Variants in ACACA observed in about 807,000 individuals in gnomAD.
ACACA encodes the protein acetyl-CoA carboxylase 1.
A neutral mutation model predicts 296.1 loss-of-function variants in ACACA; 103 were observed. That is an observed-to-expected ratio of 0.35 (90% CI 0.30 to 0.41). The LOEUF (loss-of-function observed/expected upper bound fraction) is 0.41, where lower values mean the gene tolerates loss of function less well. Among genes scored for constraint, ACACA ranks in the 10% least tolerant of loss-of-function variants. The probability of loss-of-function intolerance (pLI) is 1.00; values close to 1 mark genes in which losing one functional copy is unlikely to be tolerated. For missense variants in ACACA, 1,554 were observed against 2,989.7 expected, an observed-to-expected ratio of 0.52 and a Z score of 11.20; for synonymous variants, 953 against 1,038.6, an observed-to-expected ratio of 0.92 and a Z score of 1.58.
chr17:37,107,421 G>T (rs1030814543), intron 52 of ACACA, among the ~76,000 whole-genome samples: 2 of 152,234 alleles, frequency 1.3e-5, no homozygotes. Context: ...GGCTGCTAGA[G>T]AAGGCTTGGG....
At chr17:37,353,638 A>T (rs1011791896) in intron 1 of ACACA, among the ~76,000 whole-genome samples, 2 of 6,384 alleles carry the variant, frequency 3.1e-4, no homozygotes, top group South Asian at 5.2e-3. Flanking sequence ...GACTCCGTCT[A>T]AAAAAAAAAA....
At chr17:37,392,816 T>C (rs1470195481) in intron 1 of ACACA, 2 of 151,978 alleles carry the variant, frequency 1.3e-5, no homozygotes, top group Admixed American at 6.6e-5. Context: ...ATATAAAGCA[T>C]GGATAATGAG....
At chr17:37,338,526 T>C (rs2147306686) in intron 2 of ACACA, among the ~76,000 whole-genome samples, 1 of 151,338 alleles carries the variant, frequency 6.6e-6, no homozygotes, top group African/African-American at 2.4e-5. Context: ...GCGTGGCGCA[T>C]GCCTGTAATC....
chr17:37,258,428 T>C, intron 12 of ACACA, 55 bp from the exon 13 acceptor site: 3 of 1,549,728 alleles, frequency 1.9e-6, no homozygotes, highest in Non-Finnish European at 1.8e-6. Flanking sequence ...CCTTAAAGTG[T>C]AGAGGCTATC....
At chr17:37,090,936 C>A (rs1266181) in intron 54 of ACACA, among the ~76,000 whole-genome samples, 19,707 of 150,856 alleles carry the variant, frequency 0.13, 1,718 homozygotes, top group East Asian at 0.37. Flanking sequence ...AAAAAAAAAA[C>A]CCCAAGATTT....
At chr17:37,290,483 G>C (rs576288126) in intron 3 of ACACA, among the ~76,000 whole-genome samples, 1 of 152,100 alleles carries the variant, frequency 6.6e-6, no homozygotes, top group South Asian at 2.1e-4. Flanking sequence ...ATTAATCCTC[G>C]CAATAATGCT....
At chr17:37,142,011 T>G (rs1470527248) in intron 45 of ACACA, among the ~76,000 whole-genome samples, 8,157 of 139,998 alleles carry the variant, frequency 0.058, 504 homozygotes, top group African/African-American at 0.16. Flanking sequence ...TGTTTTTTTT[T>G]GTTTTTTTTT....
At chr17:37,150,644 C>T (rs2075999352) in intron 44 of ACACA, among the ~76,000 whole-genome samples, 1 of 151,470 alleles carries the variant, frequency 6.6e-6, no homozygotes, top group African/African-American at 2.4e-5. Context: ...GTCCTAGCTA[C>T]CTGGAAGCTG....
In ACACA at chr17:37,219,470, G is replaced by A. The variant is rs114215123; in HGVS notation, c.3683+2254C>T. 9.7e-3 allele frequency among the ~76,000 whole-genome samples: 1,472 copies of A among 152,060 alleles called. 22 individuals are homozygous for A. The highest frequency in any genetic ancestry group is 0.034 in the African/African-American group (1,400 of 41,450). ...TAGCCAGTTGGTCAGAAGTGCAAGTGGCCAGGGGACCCCACTTATGGCCCC... is the reference window on the plus strand; with the variant it reads ...TAGCCAGTTGGTCAGAAGTGCAAGTAGCCAGGGGACCCCACTTATGGCCCC... On this transcript the variant is annotated intron_variant, in intron 29 of 55. Transcript: ENST00000616317.
At position 37,321,350 on chromosome 17, in the gene ACACA, C is replaced by T. The variant is rs545150700; in HGVS notation, c.338+8823G>A. Among the ~76,000 whole-genome samples, 9 of 152,252 alleles carry T rather than the reference C, an allele frequency of 5.9e-5. No homozygotes were observed. In the South Asian group the frequency reaches 1.7e-3, roughly 28 times the overall value. On this transcript the variant is annotated intron_variant, in intron 3 of 55. Transcript: ENST00000616317. ...TGAATGAAAATGAAATCTGGCTGGG[C>T]GTGGTGGCTCACACCTGTAATCCCA...
intron 25 of ACACA, among the ~76,000 whole-genome samples, chr17:37,227,929 T>A (rs1462066210): frequency 6.6e-6 from 1 of 151,724 alleles, no homozygotes; most frequent in African/African-American, 2.4e-5. Context: ...ATTCTCCCCC[T>A]ACTACCAATG....
At chr17:37,319,471 T>C (rs1408101444) in intron 3 of ACACA, among the ~76,000 whole-genome samples, 1 of 152,186 alleles carries the variant, frequency 6.6e-6, no homozygotes, top group African/African-American at 2.4e-5. Flanking sequence ...TTATGTTTGC[T>C]TGCTTGTGTT....
chr17:37,275,909 C>A (rs2146475761), intron 8 of ACACA, 42 bp downstream of exon 8: 1 of 1,512,528 alleles, frequency 6.6e-7, no homozygotes, highest in Non-Finnish European at 9.2e-7. Flanking sequence ...TCCTACTGAG[C>A]TATTCTGTAC....
intron 24 of ACACA, among the ~76,000 whole-genome samples, chr17:37,235,922 A>G (rs1320185243): frequency 6.6e-6 from 1 of 152,218 alleles, no homozygotes. Context: ...GGTACACTGT[A>G]GTGATATCTG....
At chr17:37,155,842 G>T in intron 42 of ACACA, 62 bp from the exon 43 acceptor site, 1 of 1,107,120 alleles carries the variant, frequency 9.0e-7, no homozygotes, top group South Asian at 1.2e-5. Flanking sequence ...AGAAGATACA[G>T]CAAAGCATAC....
At position 37,130,213 on chromosome 17, in the gene ACACA, G is replaced by C; in HGVS notation, c.5685C>G (p.Leu1895=). 1 of 1,614,164 alleles carries C rather than the reference G, an allele frequency of 6.2e-7. No individual in the cohort carries two copies. The highest frequency in any genetic ancestry group is 1.1e-5 in the South Asian group (1 of 91,084). ...TATTGGAGGTGTACACTTCCCGCCCGAGGACCTAGAGAAAAGAGCAAGAGA... is the reference window on the plus strand; with the variant it reads ...TATTGGAGGTGTACACTTCCCGCCCCAGGACCTAGAGAAAAGAGCAAGAGA... ...LTGAGALNKV[L]GREVYTSNNQ... Residue 1895 remains leucine (L), a synonymous_variant, in exon 46 of 56, where the codon CTC becomes CTG. Coordinates refer to ENST00000616317, the MANE Select transcript of ACACA (RefSeq NM_198834.3).
At chr17:37,357,330 C>G (rs569321144) in intron 1 of ACACA, among the ~76,000 whole-genome samples, 1 of 151,952 alleles carries the variant, frequency 6.6e-6, no homozygotes, top group East Asian at 1.9e-4. Flanking sequence ...CTGTCTCTAC[C>G]GAAAATACAA....
intron 42 of ACACA, among the ~76,000 whole-genome samples, chr17:37,155,996 C>T (rs1158405807): frequency 2.0e-5 from 3 of 150,698 alleles, no homozygotes; most frequent in Non-Finnish European, 4.4e-5. Flanking sequence ...TGAAACAAGA[C>T]ACCTTATAGC....
At chr17:37,242,554 C>A (rs2080467437) in intron 22 of ACACA, among the ~76,000 whole-genome samples, 2 of 151,734 alleles carry the variant, frequency 1.3e-5, no homozygotes, top group Admixed American at 1.3e-4. Context: ...ATAACGAGAC[C>A]CCCATCTCTA....
Sources: gnomAD v4.1 joint callset for allele counts (sites outside exome capture counted in the v4.1 genomes callset) on GRCh38, gnomAD v4.1.1 for gene constraint, MANE v1.5 for transcripts, NCBI Gene and HGNC (gene_info 2026-07-23, HGNC 2026-07-21) for gene names.